Variants in SIPA1 observed in about 807,000 individuals in gnomAD.
The protein encoded by SIPA1 is signal-induced proliferation-associated 1, also known as signal-induced proliferation-associated protein 1.
In SIPA1, 51 loss-of-function variants were observed where a neutral mutation model predicts 88.1. The ratio of observed to expected loss-of-function variants is 0.58; its 90% CI spans 0.46 to 0.73. The LOEUF is 0.73. Ranked by LOEUF, SIPA1 falls within the 30% of genes least tolerant of loss-of-function variation. The probability of loss-of-function intolerance (pLI) is 0.00; values close to 1 mark genes in which losing one functional copy is unlikely to be tolerated. For synonymous variants in SIPA1, 681 were observed against 664.8 expected, an observed-to-expected ratio of 1.02 and a Z score of -0.37; for missense variants, 1,348 against 1,467.6, an observed-to-expected ratio of 0.92 and a Z score of 1.33.
chr11:65,647,338 C>T (rs752373358), intron 8 of SIPA1, 46 bp from the exon 9 acceptor site: 4 of 1,372,908 alleles, frequency 2.9e-6, no homozygotes, highest in South Asian at 1.6e-5. Context: ...GCTGGGGCGG[C>T]CCCACCTCCC....
chr11:65,647,311 C>T, intron 8 of SIPA1, 73 bp from the exon 9 acceptor site: 1 of 1,369,858 alleles, frequency 7.3e-7, no homozygotes, highest in Non-Finnish European at 9.4e-7. Flanking sequence ...GCCTGGGACG[C>T]AGTCCAGGGG....
rs769618361 is a variant in SIPA1 at position 65,641,197 on chromosome 11, G to A, written c.276G>A (p.Pro92=). 1.9e-6 allele frequency: 3 copies of A among 1,611,536 alleles called. No individual in the cohort carries two copies. Among genetic ancestry groups the A allele is most frequent in the Admixed American group, 1.7e-5 (1 of 60,012 alleles). ...CTTCCACCCGGCTCTTCACTGACCC[G>A]CTGGCACTGCTGGGGCTGCCAGCAG... ...AATSTRLFTD[P]LALLGLPAEE... is the part of the protein sequence containing the mutation. The change falls in exon 2 of 16, where the codon CCG becomes CCA. Residue 92 remains proline (P), a synonymous_variant. Transcript: ENST00000534313.
rs1229028363 is a variant in SIPA1, at chr11:65,650,391, A to G, written c.2904-10A>G. ...TTGGTCCTGCTGAGTCTTGACCCCC[A>G]TGTCTTCAGGCCAGAGCCTGGGAAC... On this transcript the variant is annotated splice_polypyrimidine_tract_variant and intron_variant, in intron 14 of 15. Transcript: ENST00000534313. 2 of 1,613,236 alleles carry G rather than the reference A, an allele frequency of 1.2e-6. No homozygotes were observed. Among genetic ancestry groups the G allele is most frequent in the Admixed American group, 3.3e-5 (2 of 59,950 alleles).
chr11:65,642,932 T>TA lies in SIPA1; in HGVS notation c.984+293_984+294insA. The stretch of plus-strand genomic sequence containing the variant: ...TTATTTATTTATTTATTTATTTATT[T>TA]TGAGATGGAGTCTCGCTCTGTCACC... On this transcript the variant is annotated intron_variant, in intron 4 of 15. Transcript: ENST00000534313. The surrounding 1 kb of genome is among the most constrained non-coding windows in gnomAD (Gnocchi z 6.5). 6.6e-6 allele frequency among the ~76,000 whole-genome samples: 1 copy of TA among 151,962 alleles called. No homozygotes were observed. Among genetic ancestry groups the TA allele is most frequent in the African/African-American group, 2.4e-5 (1 of 41,336 alleles).
In SIPA1 at chr11:65,650,781, C is replaced by T; in HGVS notation, c.*66C>T. 1 of 1,454,020 alleles carries T rather than the reference C, an allele frequency of 6.9e-7. No individual in the cohort carries two copies. Among genetic ancestry groups the T allele is most frequent in the Non-Finnish European group, 9.1e-7 (1 of 1,096,952 alleles). 90.1% of individuals were successfully genotyped at this position (1,454,020 alleles called of 1,614,324 possible). A position where few individuals can be genotyped will look rare whatever the true frequency, so the allele number is the denominator to read the frequency against. ...ACACTGGGCCCTCCTCAGGAACTCT[C>T]CCTGCGCAGAGGCGTGTCTTAGCAC... On this transcript the variant is annotated 3_prime_UTR_variant, in exon 16 of 16. Coordinates refer to ENST00000534313, the MANE Select transcript of SIPA1 (RefSeq NM_006747.4).
chr11:65,646,159 G>A lies in SIPA1; in HGVS notation c.1264-62G>A. On this transcript the variant is annotated intron_variant, in intron 6 of 15. Transcript: ENST00000534313. This position sits in a 1 kb window ranked among gnomAD's most constrained non-coding sequence, Gnocchi z 7.5. The stretch of plus-strand genomic sequence containing the variant: ...TTGGTGCCTTGGCTTTCTCCTGCCT[G>A]AATGAGGAGGGGTTTGGGGCACAGA... The A allele has an allele frequency of 6.3e-7, 1 of 1,580,240 alleles. No individual in the cohort carries two copies. Among genetic ancestry groups the A allele is most frequent in the Non-Finnish European group, 8.6e-7 (1 of 1,157,754 alleles).
chr11:65,648,552 G>C (rs529159717), intron 9 of SIPA1, among the ~76,000 whole-genome samples: 1 of 152,018 alleles, frequency 6.6e-6, no homozygotes, highest in Non-Finnish European at 1.5e-5. Context: ...GTAAAATCCG[G>C]ACCGGGCGCG....
At position 65,642,404 on chromosome 11, in the gene SIPA1, G is replaced by T; in HGVS notation, c.807+27G>T. On this transcript the variant is annotated intron_variant, in intron 3 of 15. Coordinates refer to ENST00000534313, the MANE Select transcript of SIPA1 (RefSeq NM_006747.4). The surrounding 1 kb of genome is among the most constrained non-coding windows in gnomAD (Gnocchi z 6.5). ...TGGGCCGGGATCGCGGGATCAGGAC[G>T]TGGGTTGCCTCCCCGACACCTTGTA... The T allele has an allele frequency of 6.3e-7, 1 of 1,594,450 alleles. No homozygotes were observed. The highest frequency in any genetic ancestry group is 8.6e-7 in the Non-Finnish European group (1 of 1,168,954).
Position 65,646,823 on chromosome 11 carries a change from G to A in SIPA1, c.1789G>A (p.Ala597Thr). 7.7e-7 allele frequency: 1 copy of A among 1,304,408 alleles called. No individual in the cohort carries two copies. Among genetic ancestry groups the A allele is most frequent in the Non-Finnish European group, 9.7e-7 (1 of 1,028,948 alleles). The allele number at this position is 1,304,408 out of a possible 1,614,324, so 80.8% of individuals were successfully genotyped here. A position where few individuals can be genotyped will look rare whatever the true frequency, so the allele number is the denominator to read the frequency against. ...GCCCGGGGCGCGGGTCGCCGCCGGG[G>A]CTCAGGCGAGCGGCCCCGAAGGCAT... is the stretch of plus-strand genomic sequence containing the variant. The part of the protein sequence containing the change: ...AAPGARVAAG[A>T]QASGPEGIEV... Residue 597 changes from alanine to threonine, a missense_variant, in exon 8 of 16, where the codon GCT becomes ACT. By Grantham distance (58) the Ala-to-Thr change is moderately conservative. Coordinates refer to ENST00000534313, the MANE Select transcript of SIPA1 (RefSeq NM_006747.4). This position sits in a 1 kb window ranked among gnomAD's most constrained non-coding sequence, Gnocchi z 7.5.
Position 65,649,775 on chromosome 11 carries a change from A to C in SIPA1, c.2656A>C (p.Ser886Arg), listed in dbSNP as rs921721499. ...PLTQDRPGSP[S>R]GSEDKGNPAP... Reference sequence around the variant, plus strand: ...GGCACAGGACAGGCCAGGCAGTCCCAGTGGCTCTGAGGACAAGGGCAACCC... The same window carrying C: ...GGCACAGGACAGGCCAGGCAGTCCCCGTGGCTCTGAGGACAAGGGCAACCC... Residue 886 changes from serine to arginine, a missense_variant, in exon 12 of 16, where the codon AGT (serine) becomes CGT (arginine). Coordinates refer to ENST00000534313, the MANE Select transcript of SIPA1 (RefSeq NM_006747.4). 1.2e-6 allele frequency: 2 copies of C among 1,613,966 alleles called. No homozygotes were observed. Among genetic ancestry groups the C allele is most frequent in the African/African-American group, 2.7e-5 (2 of 74,918 alleles).
At chr11:65,644,208 G>T (rs1306871944) in intron 4 of SIPA1, among the ~76,000 whole-genome samples, 2 of 151,600 alleles carry the variant, frequency 1.3e-5, no homozygotes, top group Non-Finnish European at 2.9e-5. Context: ...AATGGGAGGC[G>T]GAGATGGGGG....
At chr11:65,643,938 C>T (rs914340865) in intron 4 of SIPA1, among the ~76,000 whole-genome samples, 2 of 151,940 alleles carry the variant, frequency 1.3e-5, no homozygotes, top group African/African-American at 2.4e-5. Flanking sequence ...CTGTACGGGG[C>T]GGGGATGCCA....
chr11:65,650,383 T>G lies in SIPA1; in HGVS notation c.2904-18T>G. 1 of 1,613,234 alleles carries G rather than the reference T, an allele frequency of 6.2e-7. No homozygotes were observed. Among genetic ancestry groups the G allele is most frequent in the Non-Finnish European group, 8.5e-7 (1 of 1,179,346 alleles). ...CCCCTGCCTTGGTCCTGCTGAGTCTTGACCCCCATGTCTTCAGGCCAGAGC... is the reference window on the plus strand; with the variant it reads ...CCCCTGCCTTGGTCCTGCTGAGTCTGGACCCCCATGTCTTCAGGCCAGAGC... On this transcript the variant is annotated intron_variant, in intron 14 of 15. Coordinates refer to ENST00000534313, the MANE Select transcript of SIPA1 (RefSeq NM_006747.4).
At chr11:65,648,992 C>T (rs929079909) in intron 9 of SIPA1, among the ~76,000 whole-genome samples, 2 of 152,198 alleles carry the variant, frequency 1.3e-5, no homozygotes, top group Non-Finnish European at 2.9e-5. Flanking sequence ...ATCCTCACAG[C>T]ACACTATGAG....
chr11:65,645,670 G>A (rs1339995310), intron 5 of SIPA1, 184 bp from the exon 6 acceptor site: 2 of 554,540 alleles, frequency 3.6e-6, no homozygotes, highest in Non-Finnish European at 6.5e-6. Flanking sequence ...GGAGGGAGAG[G>A]AGGAGGGGCA....
At position 65,641,614 on chromosome 11, in the gene SIPA1, G is replaced by T; in HGVS notation, c.679+14G>T. On this transcript the variant is annotated intron_variant, in intron 2 of 15. Transcript: ENST00000534313. ...TCTATGGCAAAGGTGAGGAAAGGCA[G>T]TTCCAGGGAGTGGAGGAGGGGGGCT... 1 of 1,591,580 alleles carries T rather than the reference G, an allele frequency of 6.3e-7. No homozygotes were observed. Among genetic ancestry groups the T allele is most frequent in the Non-Finnish European group, 8.6e-7 (1 of 1,168,700 alleles).
Position 65,646,113 on chromosome 11 carries a change from C to A in SIPA1, c.1264-108C>A. The A allele has an allele frequency of 7.1e-7, 1 of 1,411,040 alleles. No homozygotes were observed. The highest frequency in any genetic ancestry group is 9.8e-7 in the Non-Finnish European group (1 of 1,018,394). The allele number at this position is 1,411,040 out of a possible 1,614,324, so 87.4% of individuals were successfully genotyped here. ...AAGACAGAAACACCCTAGGTCTTCA[C>A]CAGGGGCAGTGGGGGAGCCATTGGT... On this transcript the variant is annotated intron_variant, in intron 6 of 15. Coordinates refer to ENST00000534313, the MANE Select transcript of SIPA1 (RefSeq NM_006747.4). The surrounding 1 kb of genome is among the most constrained non-coding windows in gnomAD (Gnocchi z 7.5).
intron 8 of SIPA1, 38 bp downstream of exon 8, chr11:65,647,103 C>A: frequency 2.1e-6 from 3 of 1,456,312 alleles, no homozygotes; most frequent in Non-Finnish European, 1.8e-6. Context: ...CTGCGCGCGG[C>A]GGGGCGGAGC....
At chr11:65,638,287 C>T (rs1855937172) in intron 1 of SIPA1, 105 bp downstream of exon 1, 1 of 152,480 alleles carries the variant, frequency 6.6e-6, no homozygotes, top group Non-Finnish European at 1.5e-5. Context: ...GGGTCCTCGC[C>T]ACGTTCGCCG....
Sources: gnomAD v4.1 joint callset for allele counts (sites outside exome capture counted in the v4.1 genomes callset) on GRCh38, gnomAD v4.1.1 for gene constraint, Gnocchi (gnomAD v3.1) non-coding constraint, MANE v1.5 for transcripts, NCBI Gene and HGNC (gene_info 2026-07-23, HGNC 2026-07-21) for gene names.